PTBP2: variants seen among roughly 807,000 people sequenced by gnomAD.
PTBP2 encodes polypyrimidine tract-binding protein 2.
A neutral mutation model predicts 61.4 loss-of-function variants in PTBP2; 13 were observed. The ratio of observed to expected loss-of-function variants is 0.21; its 90% CI spans 0.14 to 0.34. The LOEUF (loss-of-function observed/expected upper bound fraction) is 0.34. PTBP2 is among the 10% of genes least tolerant of loss of function. PTBP2 has a pLI of 1.00. For missense variants in PTBP2, 405 were observed against 642.6 expected (o/e 0.63, Z 4.00); for synonymous variants, 215 against 218.5 (o/e 0.98, Z 0.14).
intron 2 of PTBP2, among the ~76,000 whole-genome samples, chr1:96,733,021 C>CTTTTTTTTT (rs35353502): frequency 1.4e-5 from 2 of 139,458 alleles, no homozygotes. Context: ...TTCTTTCTTT[C>CTTTTTTTTT]TTTTTTTTTT....
chr1:96,724,559 C>T (rs1650106692), intron 2 of PTBP2, among the ~76,000 whole-genome samples: 1 of 151,926 alleles, frequency 6.6e-6, no homozygotes, highest in Admixed American at 6.6e-5. Context: ...GCCACCGTGC[C>T]CGGCCTGTAT....
At chr1:96,817,266 ATATAT>A (rs1436805505), downstream of PTBP2, 1 of 152,126 alleles carries the variant, frequency 6.6e-6, no homozygotes, top group Non-Finnish European at 1.5e-5. Flanking sequence ...GGCTGCCTTA[ATATAT>A]TAAAATGGAG....
chr1:96,803,424 G>A (rs1024596577), intron 8 of PTBP2, among the ~76,000 whole-genome samples: 10 of 151,804 alleles, frequency 6.6e-5, no homozygotes, highest in Non-Finnish European at 1.5e-4. Context: ...AAGAAAAAAA[G>A]GAGAGCCTAA....
chr1:96,748,050 A>T lies in PTBP2; in HGVS notation c.40-3375A>T, dbSNP rs181779993. ...ATCTTGGTGGCACCTCTGTTTAAGG[A>T]GACCAGGAATACTCACCTGGGTACG... is the stretch of plus-strand genomic sequence containing the variant. On this transcript the variant is annotated intron_variant, in intron 2 of 13. Transcript: ENST00000674951. 2.2e-4 allele frequency among the ~76,000 whole-genome samples: 33 copies of T among 152,118 alleles called. No individual in the cohort carries two copies. The East Asian group carries it at 6.0e-3, about 28-fold the overall frequency.
chr1:96,762,278 G>A (rs1655989698), intron 3 of PTBP2, among the ~76,000 whole-genome samples: 2 of 149,380 alleles, frequency 1.3e-5, no homozygotes, highest in South Asian at 2.1e-4. Flanking sequence ...GCCGGGCAGA[G>A]GGGCTCCTCA....
At chr1:96,763,732 T>G (rs1329519229) in intron 3 of PTBP2, among the ~76,000 whole-genome samples, 1 of 152,154 alleles carries the variant, frequency 6.6e-6, no homozygotes, top group East Asian at 1.9e-4. Flanking sequence ...TAAAATTCCT[T>G]TAAGCCTTGT....
In PTBP2 at chr1:96,812,740, G is replaced by T; in HGVS notation, c.1200G>T (p.Met400Ile). The T allele has an allele frequency of 1.2e-6, 2 of 1,603,338 alleles. No homozygotes were observed. The highest frequency in any genetic ancestry group is 1.7e-6 in the Non-Finnish European group (2 of 1,170,500). ...LAMNHLNGQK[M>I]YGKIIRVTLS... ...TGAATCATCTTAATGGACAGAAAAT[G>T]TATGGAAAAATTATTCGTGTTACTC... Residue 400 changes from methionine to isoleucine, a missense_variant, in exon 12 of 14, where the codon ATG becomes ATT. Met to Ile is a conservative substitution (Grantham distance 10). Transcript: ENST00000674951.
intron 8 of PTBP2, among the ~76,000 whole-genome samples, chr1:96,787,737 A>G (rs1557754653): frequency 6.6e-6 from 1 of 152,202 alleles, no homozygotes; most frequent in Non-Finnish European, 1.5e-5. Flanking sequence ...GATTTGCATT[A>G]TCTTTTATTG....
intron 2 of PTBP2, among the ~76,000 whole-genome samples, chr1:96,725,543 A>G (rs967178417): frequency 1.3e-5 from 2 of 151,952 alleles, no homozygotes; most frequent in African/African-American, 4.8e-5. Flanking sequence ...TTGTGGTTAC[A>G]CCAGTTTTTT....
chr1:96,758,871 C>T (rs1200262206), intron 3 of PTBP2, among the ~76,000 whole-genome samples: 2 of 152,062 alleles, frequency 1.3e-5, no homozygotes, highest in Non-Finnish European at 2.9e-5. Flanking sequence ...CTGTCTTATT[C>T]ACCATTCAAC....
chr1:96,810,189 C>A (rs1210366798), intron 11 of PTBP2, among the ~76,000 whole-genome samples: 1 of 152,082 alleles, frequency 6.6e-6, no homozygotes, highest in African/African-American at 2.4e-5. Flanking sequence ...TACATTAAAT[C>A]AAAAATGTCA....
intron 2 of PTBP2, among the ~76,000 whole-genome samples, chr1:96,728,528 T>C (rs1242261092): frequency 1.3e-5 from 2 of 152,244 alleles, no homozygotes; most frequent in Admixed American, 6.5e-5. Flanking sequence ...TACTCTTTTT[T>C]GTATTGACCC....
chr1:96,820,739 C>G (rs1001433460), exon 14 of PTBP2: 1 of 151,836 alleles, frequency 6.6e-6, no homozygotes, highest in East Asian at 1.9e-4. Context: ...AACCATTTAA[C>G]ATGTAAACTG....
chr1:96,731,780 G>T (rs1035796644), intron 2 of PTBP2, among the ~76,000 whole-genome samples: 23 of 152,090 alleles, frequency 1.5e-4, no homozygotes, highest in African/African-American at 5.6e-4. Flanking sequence ...TGTAATAGGA[G>T]ATTTGTTGCA....
In PTBP2 at chr1:96,813,015, T is replaced by C. The variant is rs895654397; in HGVS notation, c.1389-14T>C. 3 of 1,608,474 alleles carry C rather than the reference T, an allele frequency of 1.9e-6. No homozygotes were observed. The highest frequency in any genetic ancestry group is 2.7e-5 in the African/African-American group (2 of 74,892). The stretch of plus-strand genomic sequence containing the variant: ...TCTTAATCTTCACTTTTTCTTCCCA[T>C]TCAATTTTCCTAGTCCATCAGTAGC... On this transcript the variant is annotated splice_polypyrimidine_tract_variant and intron_variant, in intron 12 of 13. Coordinates refer to ENST00000674951, the MANE Select transcript of PTBP2 (RefSeq NM_021190.4).
intron 2 of PTBP2, among the ~76,000 whole-genome samples, chr1:96,734,649 T>A (rs116357498): frequency 6.6e-6 from 1 of 151,984 alleles, no homozygotes; most frequent in African/African-American, 2.4e-5. Context: ...GCCTATAGAC[T>A]ACATTTACTG....
intron 8 of PTBP2, among the ~76,000 whole-genome samples, chr1:96,791,826 C>CTTTTTTTTGTTTTTTTTGTTGT (rs1482989030): frequency 1.5e-5 from 1 of 66,128 alleles, no homozygotes; most frequent in African/African-American, 8.2e-5. Flanking sequence ...TGGAGTTGTG[C>CTTTTTTTTGTTTTTTTTGTTGT]TTTTTTTTTT....
In PTBP2 at chr1:96,813,072, A is replaced by G. The variant is rs769992706; in HGVS notation, c.1432A>G (p.Thr478Ala). The change falls in exon 13 of 14, where the codon ACT becomes GCT. Residue 478 changes from threonine to alanine, a missense_variant. Physicochemically the swap from Thr to Ala is moderately conservative, Grantham distance 58. Coordinates refer to ENST00000674951, the MANE Select transcript of PTBP2 (RefSeq NM_021190.4). ...EEDLRTLFANTGGTVKAFKFF... is the reference protein window; with the variant it reads ...EEDLRTLFANAGGTVKAFKFF... ...GGATCTACGAACACTGTTCGCTAAC[A>G]CTGGGGGCACTGTGAAAGCATTTAA... 2 of 1,613,204 alleles carry G rather than the reference A, an allele frequency of 1.2e-6. No homozygotes were observed. The highest frequency in any genetic ancestry group is 1.7e-6 in the Non-Finnish European group (2 of 1,179,438).
intron 8 of PTBP2, among the ~76,000 whole-genome samples, chr1:96,797,686 G>A (rs1660527992): frequency 6.6e-6 from 1 of 151,966 alleles, no homozygotes. Flanking sequence ...GTGTTTGCAT[G>A]TGACCTATAC....
Sources: gnomAD v4.1 joint callset for allele counts (sites outside exome capture counted in the v4.1 genomes callset) on GRCh38, gnomAD v4.1.1 for gene constraint, MANE v1.5 for transcripts, NCBI Gene and HGNC (gene_info 2026-07-23, HGNC 2026-07-21) for gene names.